The following TTC14 variants were observed in gnomAD, a reference collection of about 807,000 sequenced individuals.
TTC14 encodes the protein tetratricopeptide repeat protein 14.
In TTC14, 63 loss-of-function variants were observed where a neutral mutation model predicts 79.9. That is an observed-to-expected ratio of 0.79 (90% CI 0.64 to 0.97). The LOEUF (loss-of-function observed/expected upper bound fraction) is 0.97, where lower values mean the gene tolerates loss of function less well. TTC14 is among the 50% of genes least tolerant of loss of function. The pLI is 0.00. For synonymous variants in TTC14, 335 were observed against 309.6 expected (o/e 1.08, Z -0.86); for missense variants, 895 against 894.0 (o/e 1.00, Z -0.01).
chr3:180,606,402 A>C (rs1716689972), intron 8 of TTC14, 30 bp downstream of exon 8: 1 of 1,613,660 alleles, frequency 6.2e-7, no homozygotes, highest in Non-Finnish European at 8.5e-7. Context: ...ATTTTAAGGA[A>C]TGTTTACCAG....
chr3:180,613,313 A>G (rs900808969), downstream of TTC14, among the ~76,000 whole-genome samples: 2 of 152,186 alleles, frequency 1.3e-5, no homozygotes, highest in Non-Finnish European at 2.9e-5. Context: ...TTTGGATATG[A>G]GGATAAGTGT....
chr3:180,617,124 T>G (rs1314874304), intron 12 of TTC14, among the ~76,000 whole-genome samples: 1 of 152,196 alleles, frequency 6.6e-6, no homozygotes, highest in East Asian at 1.9e-4. Context: ...CGGTCAATGA[T>G]GGACTGTATA....
chr3:180,608,433 TG>T (rs1716812617), intron 10 of TTC14: 1 of 1,019,368 alleles, frequency 9.8e-7, no homozygotes, highest in African/African-American at 1.7e-5. Flanking sequence ...CTCTGGGTCA[TG>T]GGTACCACTG....
At chr3:180,614,741 T>G (rs1201343334), downstream of TTC14, 4 of 536,206 alleles carry the variant, frequency 7.5e-6, no homozygotes, top group African/African-American at 3.9e-5. Flanking sequence ...ATTAATTTCT[T>G]CAGTATGAAG....
exon 13 of TTC14, chr3:180,617,698 C>A (rs893723924): frequency 5.1e-6 from 2 of 391,220 alleles, no homozygotes; most frequent in African/African-American, 4.1e-5. Context: ...ACAATGAGTG[C>A]TTAAGCTAAA....
chr3:180,612,147 T>C (rs554063145), downstream of TTC14, among the ~76,000 whole-genome samples: 24 of 152,354 alleles, frequency 1.6e-4, no homozygotes, highest in African/African-American at 5.3e-4. Flanking sequence ...CAGTATCATC[T>C]TTACAAAGTC....
chr3:180,602,287 C>T lies in TTC14; in HGVS notation c.26C>T (p.Ser9Leu), dbSNP rs777571738. Residue 9 changes from serine (S) to leucine (L), a missense_variant, in exon 1 of 12, where the codon TCG becomes TTG. Coordinates refer to ENST00000296015, the MANE Select transcript of TTC14 (RefSeq NM_133462.4). ...ATGGACCGGGACCTTTTGCGGCAGT[C>T]GCTAAATTGCCACGGGTCGTCTTTG... MDRDLLRQ[S>L]LNCHGSSLLS... 32 of 1,613,888 alleles carry T rather than the reference C, an allele frequency of 2.0e-5. No homozygotes were observed. The East Asian group carries it at 2.7e-4, about 13-fold the overall frequency.
At chr3:180,617,156 T>A (rs2108404770) in intron 12 of TTC14, among the ~76,000 whole-genome samples, 1 of 152,228 alleles carries the variant, frequency 6.6e-6, no homozygotes, top group Non-Finnish European at 1.5e-5. Context: ...TCCCATAGGA[T>A]TATAATGGAG....
At chr3:180,611,930 A>C (rs1717011596), downstream of TTC14, among the ~76,000 whole-genome samples, 1 of 152,202 alleles carries the variant, frequency 6.6e-6, no homozygotes, top group East Asian at 1.9e-4. Context: ...ATCTGTGTCT[A>C]TCAAACTCCA....
Position 180,616,503 on chromosome 3 carries a change from G to T in TTC14, c.1775-877G>T, listed in dbSNP as rs550990897. 1.4e-5 allele frequency: 21 copies of T among 1,516,108 alleles called. No individual in the cohort carries two copies. The South Asian group carries it at 2.6e-4, about 18-fold the overall frequency. 93.9% of individuals were successfully genotyped at this position (1,516,108 alleles called of 1,614,324 possible). The stretch of plus-strand genomic sequence containing the variant: ...AGTTTTTAAGAAATATTTAATAGAA[G>T]GTGCTGTATTACCTGTTGAAAGTAT... On this transcript the variant is annotated intron_variant, in intron 12 of 12. Coordinates refer to the TTC14 transcript ENST00000382584.
At chr3:180,614,846 G>A (rs147012409), downstream of TTC14, 834 of 1,350,712 alleles carry the variant, frequency 6.2e-4, 10 homozygotes, top group African/African-American at 0.011. Flanking sequence ...TAGATAAAAT[G>A]TGTTGGGTCG....
intron 1 of TTC14, 46 bp from the exon 2 acceptor site, chr3:180,602,845 G>A: frequency 1.3e-6 from 2 of 1,577,220 alleles, no homozygotes; most frequent in Non-Finnish European, 1.7e-6. Context: ...AAGTAAAGAG[G>A]CTTTGCAGAT....
At position 180,603,025 on chromosome 3, in the gene TTC14, G is replaced by T; in HGVS notation, c.286+10G>T. ...AATGAAGACAGTGAAGGTCAGTTTA[G>T]CCTTAAAATCTTTAAGATTGCGGTT... On this transcript the variant is annotated intron_variant, in intron 2 of 11. Coordinates refer to ENST00000296015, the MANE Select transcript of TTC14 (RefSeq NM_133462.4). 6.2e-7 allele frequency: 1 copy of T among 1,611,138 alleles called. No homozygotes were observed. Among genetic ancestry groups the T allele is most frequent in the Non-Finnish European group, 8.5e-7 (1 of 1,179,154 alleles).
At chr3:180,614,054 A>G (rs2108402253), downstream of TTC14, 2 of 310,722 alleles carry the variant, frequency 6.4e-6, no homozygotes, top group East Asian at 1.7e-4. Flanking sequence ...AATATTCCAC[A>G]CTCTATTCCA....
At chr3:180,612,210 C>T (rs1354046118), downstream of TTC14, among the ~76,000 whole-genome samples, 1 of 152,036 alleles carries the variant, frequency 6.6e-6, no homozygotes, top group Non-Finnish European at 1.5e-5. Flanking sequence ...AGCCTTTGAC[C>T]TTTTGGAATC....
rs997180307 is a variant in TTC14 at position 180,602,210 on chromosome 3, C to G, written c.-52C>G. The G allele has an allele frequency of 2.4e-5, 39 of 1,594,016 alleles. No homozygotes were observed. The highest frequency in any genetic ancestry group is 1.7e-4 in the Middle Eastern group (1 of 5,952). On this transcript the variant is annotated 5_prime_UTR_variant, in exon 1 of 12. Coordinates refer to ENST00000296015, the MANE Select transcript of TTC14 (RefSeq NM_133462.4). Reference sequence around the variant, plus strand: ...TACCACCCGGCTCAAGTAGCGGACACGGAACAGGGAACTATCAGCCCGTCG... The same window carrying G: ...TACCACCCGGCTCAAGTAGCGGACAGGGAACAGGGAACTATCAGCCCGTCG...
intron 4 of TTC14, 70 bp from the exon 5 acceptor site, chr3:180,604,408 A>T: frequency 6.5e-7 from 1 of 1,548,232 alleles, no homozygotes; most frequent in Non-Finnish European, 8.7e-7. Context: ...TGTTTGGGAA[A>T]GTTTATATTT....
chr3:180,603,542 G>T (rs1457957403), intron 3 of TTC14: 1 of 529,382 alleles, frequency 1.9e-6, no homozygotes, highest in Non-Finnish European at 3.4e-6. Flanking sequence ...AAACTGGTTG[G>T]CAGGCACAGT....
At chr3:180,616,148 G>A (rs901410416) in intron 12 of TTC14, 5 of 726,346 alleles carry the variant, frequency 6.9e-6, no homozygotes, top group Non-Finnish European at 2.5e-6. Context: ...CTAGTGAGAT[G>A]TCTGACAGTG....
Sources: allele counts gnomAD v4.1 joint callset (sites outside exome capture counted in the v4.1 genomes callset), GRCh38; gene constraint gnomAD v4.1.1; transcripts MANE v1.5; gene names NCBI Gene and HGNC (gene_info 2026-07-23, HGNC 2026-07-21).